LRGUK: variants seen among roughly 807,000 people sequenced by gnomAD.
LRGUK encodes leucine rich repeats and guanylate kinase domain containing, also known as leucine-rich repeat and guanylate kinase domain-containing protein.
LRGUK carries 65 observed loss-of-function variants against 76.0 expected under a neutral mutation model. That is an observed-to-expected ratio of 0.85 (90% CI 0.70 to 1.05). LRGUK has a LOEUF of 1.05. LRGUK is among the 50% of genes least tolerant of loss of function. LRGUK has a pLI of 0.00. For missense variants in LRGUK, 758 were observed against 732.8 expected (o/e 1.03, Z -0.40); for synonymous variants, 268 against 265.6 (o/e 1.01, Z -0.09).
intron 19 of LRGUK, among the ~76,000 whole-genome samples, chr7:134,259,218 G>A (rs1802659900): frequency 6.6e-6 from 1 of 152,132 alleles, no homozygotes; most frequent in Non-Finnish European, 1.5e-5. Flanking sequence ...GAGGCAGAAT[G>A]GCCATTGCAC....
intron 5 of LRGUK, 85 bp downstream of exon 5, chr7:134,148,404 A>G: frequency 1.3e-6 from 1 of 762,888 alleles, no homozygotes; most frequent in Non-Finnish European, 2.2e-6. Flanking sequence ...ATTAGATTAC[A>G]TGGACTAGTA....
chr7:134,229,441 A>G (rs1193136346), intron 16 of LRGUK, among the ~76,000 whole-genome samples: 1 of 152,086 alleles, frequency 6.6e-6, no homozygotes, highest in Non-Finnish European at 1.5e-5. Flanking sequence ...CAAAGTGTCA[A>G]ATATTTAAAA....
At chr7:134,240,282 T>C (rs2117191226) in intron 16 of LRGUK, among the ~76,000 whole-genome samples, 1 of 152,276 alleles carries the variant, frequency 6.6e-6, no homozygotes. Flanking sequence ...TGGAACCCAT[T>C]GCAAAGAAGC....
At chr7:134,233,196 T>C (rs1801942331) in intron 16 of LRGUK, among the ~76,000 whole-genome samples, 1 of 152,256 alleles carries the variant, frequency 6.6e-6, no homozygotes, top group Admixed American at 6.5e-5. Flanking sequence ...CCCAATGCTC[T>C]TTGCATGGTT....
intron 12 of LRGUK, among the ~76,000 whole-genome samples, chr7:134,194,891 AT>A (rs1474087706): frequency 6.6e-6 from 1 of 152,144 alleles, no homozygotes; most frequent in Non-Finnish European, 1.5e-5. Context: ...CAAGATGAGA[AT>A]TGCAATAGAG....
downstream of LRGUK, among the ~76,000 whole-genome samples, chr7:134,212,558 A>G (rs1330063251): frequency 6.6e-6 from 1 of 152,238 alleles, no homozygotes; most frequent in Non-Finnish European, 1.5e-5. Context: ...CTCTTGCAAA[A>G]TGAAGAGCTT....
chr7:134,264,571 T>A (rs1802822226), exon 20 of LRGUK: 1 of 152,244 alleles, frequency 6.6e-6, no homozygotes, highest in African/African-American at 2.4e-5. Context: ...CACGAAAGAA[T>A]AAAGAGCAAC....
At chr7:134,176,823 G>T (rs1477869796) in intron 8 of LRGUK, among the ~76,000 whole-genome samples, 154 bp from the exon 9 acceptor site, 1 of 152,174 alleles carries the variant, frequency 6.6e-6, no homozygotes, top group Non-Finnish European at 1.5e-5. Flanking sequence ...AATGTAAGGG[G>T]ACTGGGAAGC....
At chr7:134,217,169 T>TC (rs909135325) in intron 15 of LRGUK, among the ~76,000 whole-genome samples, 8 of 151,632 alleles carry the variant, frequency 5.3e-5, no homozygotes, top group African/African-American at 1.9e-4. Context: ...TTTTTTTTTT[T>TC]CGGAATTCTG....
rs565290714 is a variant in LRGUK at position 134,241,388 on chromosome 7, AAGC to A, written c.1984-6165_1984-6163del. Among the ~76,000 whole-genome samples the A allele has an allele frequency of 3.4e-4, 52 of 152,320 alleles. 1 individual carries two copies. In the East Asian group the frequency reaches 9.8e-3, roughly 29 times the overall value. On this transcript the variant is annotated intron_variant, in intron 16 of 19. Transcript: ENST00000285928. ...CCAAGCAAATGGAAAACAGAAAAAA[AAGC>A]AGGGGTTGCAATCCTAGTCTCTGAT... is the stretch of plus-strand genomic sequence containing the variant.
chr7:134,273,423 C>T, the LRGUK span, among the ~76,000 whole-genome samples: 4 of 152,170 alleles, frequency 2.6e-5, no homozygotes, highest in East Asian at 7.7e-4. Context: ...ATAACAGACT[C>T]TTTATAAGCT....
In LRGUK at chr7:134,249,221, C is replaced by A. The variant is rs1197398066; in HGVS notation, c.2198+145C>A. 7 of 899,770 alleles carry A rather than the reference C, an allele frequency of 7.8e-6. No homozygotes were observed. In the Admixed American group the frequency reaches 8.9e-5, roughly 11 times the overall value. 55.7% of individuals were successfully genotyped at this position (899,770 alleles called of 1,614,324 possible). A position where few individuals can be genotyped will look rare whatever the true frequency, so the allele number is the denominator to read the frequency against. The stretch of plus-strand genomic sequence containing the variant: ...GCTGTAGAATTTGAAGGGAGTAGAC[C>A]CTGCCCCTCTATGGAGGGCCCAGGC... On this transcript the variant is annotated intron_variant, in intron 18 of 19. Coordinates refer to the LRGUK transcript ENST00000285928.
chr7:134,163,788 G>T (rs575635667), intron 7 of LRGUK, among the ~76,000 whole-genome samples: 1 of 152,312 alleles, frequency 6.6e-6, no homozygotes, highest in Admixed American at 6.5e-5. Flanking sequence ...CTGCAACCAC[G>T]TGTGGATGAT....
intron 11 of LRGUK, among the ~76,000 whole-genome samples, chr7:134,188,865 G>A (rs1216188408): frequency 6.6e-6 from 1 of 152,120 alleles, no homozygotes; most frequent in Non-Finnish European, 1.5e-5. Context: ...AGGCAATCTG[G>A]TTCAGAATTA....
intron 6 of LRGUK, among the ~76,000 whole-genome samples, chr7:134,161,571 G>T (rs1798733275): frequency 6.6e-6 from 1 of 151,578 alleles, no homozygotes; most frequent in African/African-American, 2.4e-5. Flanking sequence ...CACAAATCTT[G>T]CTCATTATTG....
chr7:134,170,778 C>G (rs1341308968), intron 7 of LRGUK, among the ~76,000 whole-genome samples: 1 of 152,112 alleles, frequency 6.6e-6, no homozygotes, highest in Non-Finnish European at 1.5e-5. Context: ...ATATCCTCAG[C>G]CTTGTGCTAA....
chr7:134,260,800 G>C (rs1049590943), intron 19 of LRGUK, among the ~76,000 whole-genome samples: 1 of 152,164 alleles, frequency 6.6e-6, no homozygotes, highest in Non-Finnish European at 1.5e-5. Flanking sequence ...AGCTATGCCT[G>C]TTTGGGCCAT....
intron 16 of LRGUK, among the ~76,000 whole-genome samples, chr7:134,241,842 T>G (rs1258118554): frequency 6.6e-6 from 1 of 152,018 alleles, no homozygotes; most frequent in Admixed American, 6.6e-5. Flanking sequence ...GAACAGAAAT[T>G]ATAACAAACT....
intron 18 of LRGUK, among the ~76,000 whole-genome samples, chr7:134,251,012 C>A (rs1489231988): frequency 6.6e-6 from 1 of 152,152 alleles, no homozygotes; most frequent in African/African-American, 2.4e-5. Flanking sequence ...TGTTGAAAGA[C>A]AGAACTTGCT....
Sources: allele counts gnomAD v4.1 joint callset (sites outside exome capture counted in the v4.1 genomes callset), GRCh38; gene constraint gnomAD v4.1.1; transcripts MANE v1.5; gene names NCBI Gene and HGNC (gene_info 2026-07-23, HGNC 2026-07-21).